The following CBY2 variants were observed in gnomAD, a reference collection of about 807,000 sequenced individuals.
CBY2 encodes the protein chibby family member 2.
Under a neutral mutation model 25.3 loss-of-function variants are expected in CBY2, and 23 were observed. The ratio of observed to expected loss-of-function variants is 0.91; its 90% CI spans 0.65 to 1.29. The LOEUF is 1.29. CBY2 is among the 50% of genes most tolerant of loss of function. CBY2 has a pLI of 0.00. For missense variants in CBY2, 642 were observed against 590.7 expected, an observed-to-expected ratio of 1.09 and a Z score of -0.90; for synonymous variants, 279 against 260.2, an observed-to-expected ratio of 1.07 and a Z score of -0.70.
Position 45,703,359 on chromosome 13 carries a change from C to G in CBY2, c.156+504C>G, listed in dbSNP as rs571031051. On this transcript the variant is annotated intron_variant, in intron 2 of 2. Transcript: ENST00000310521. ...GATGTAGGGGCCATGGGCATAGATGCTTTTTCAGTCAATGAATTGGTGAAG... is the reference window on the plus strand; with the variant it reads ...GATGTAGGGGCCATGGGCATAGATGGTTTTTCAGTCAATGAATTGGTGAAG... 7.0e-6 allele frequency: 10 copies of G among 1,434,512 alleles called. No homozygotes were observed. The South Asian group carries it at 1.4e-4, about 20-fold the overall frequency. 88.9% of individuals were successfully genotyped at this position (1,434,512 alleles called of 1,614,324 possible).
rs766334286 is a variant in CBY2 at position 45,713,177 on chromosome 13, C to A, written c.157-5C>A. On this transcript the variant is annotated splice_polypyrimidine_tract_variant and splice_region_variant and intron_variant, in intron 2 of 2. Transcript: ENST00000310521. This position sits in a 1 kb window ranked among gnomAD's most constrained non-coding sequence, Gnocchi z 5.0. ...AACGCTGGGCTTTCCCATTCTCTCC[C>A]GCAGAGGGGCACAGCCGAACCCTTC... 15 of 1,603,448 alleles carry A rather than the reference C, an allele frequency of 9.4e-6. No homozygotes were observed. In the Admixed American group the frequency reaches 1.7e-4, roughly 18 times the overall value.
Position 45,713,471 on chromosome 13 carries a change from C to T in CBY2, c.446C>T (p.Pro149Leu). The T allele has an allele frequency of 6.2e-7, 1 of 1,614,240 alleles. No homozygotes were observed. The highest frequency in any genetic ancestry group is 1.3e-5 in the African/African-American group (1 of 75,068). The change falls in exon 3 of 3, where the codon CCA (proline) becomes CTA (leucine). Residue 149 changes from proline (P) to leucine (L), a missense_variant. Transcript: ENST00000310521. The surrounding 1 kb of genome is among the most constrained non-coding windows in gnomAD (Gnocchi z 5.0). Reference protein sequence around the residue: ...NCRLQSPYFSPSASFHHKLHH... With the variant: ...NCRLQSPYFSLSASFHHKLHH... ...CGCCTGCAGTCTCCCTACTTCTCCCCATCCGCCTCCTTCCACCACAAGCTG... is the reference window on the plus strand; with the variant it reads ...CGCCTGCAGTCTCCCTACTTCTCCCTATCCGCCTCCTTCCACCACAAGCTG...
In CBY2 at chr13:45,713,887, C is replaced by T; in HGVS notation, c.862C>T (p.His288Tyr). Residue 288 changes from histidine to tyrosine, a missense_variant, in exon 3 of 3, where the codon CAC becomes TAC. By Grantham distance (83) the His-to-Tyr change is moderately conservative. Transcript: ENST00000310521. The surrounding 1 kb of genome is among the most constrained non-coding windows in gnomAD (Gnocchi z 5.0). The part of the protein sequence containing the change: ...AEESKPAPSP[H>Y]EEPCSPGLLQ... Reference sequence around the variant, plus strand: ...GGAAAGCAAGCCCGCCCCCTCACCCCACGAGGAGCCCTGCAGCCCCGGGCT... The same window carrying T: ...GGAAAGCAAGCCCGCCCCCTCACCCTACGAGGAGCCCTGCAGCCCCGGGCT... The T allele has an allele frequency of 6.5e-7, 1 of 1,532,698 alleles. No individual in the cohort carries two copies. The highest frequency in any genetic ancestry group is 8.7e-7 in the Non-Finnish European group (1 of 1,144,242). 94.9% of individuals were successfully genotyped at this position (1,532,698 alleles called of 1,614,324 possible). A position where few individuals can be genotyped will look rare whatever the true frequency, so the allele number is the denominator to read the frequency against.
In CBY2 at chr13:45,713,177, C is replaced by G; in HGVS notation, c.157-5C>G. 6.2e-7 allele frequency: 1 copy of G among 1,603,566 alleles called. No homozygotes were observed. Reference sequence around the variant, plus strand: ...AACGCTGGGCTTTCCCATTCTCTCCCGCAGAGGGGCACAGCCGAACCCTTC... The same window carrying G: ...AACGCTGGGCTTTCCCATTCTCTCCGGCAGAGGGGCACAGCCGAACCCTTC... On this transcript the variant is annotated splice_polypyrimidine_tract_variant and splice_region_variant and intron_variant, in intron 2 of 2. Coordinates refer to ENST00000310521, the MANE Select transcript of CBY2 (RefSeq NM_152719.3). This position sits in a 1 kb window ranked among gnomAD's most constrained non-coding sequence, Gnocchi z 5.0.
intron 2 of CBY2, among the ~76,000 whole-genome samples, chr13:45,709,333 G>A (rs78026200): frequency 0.048 from 7,328 of 152,226 alleles, 587 homozygotes; most frequent in African/African-American, 0.17. Flanking sequence ...TGTGGAAGGT[G>A]GATGTAGAAC....
intron 1 of CBY2, 148 bp downstream of exon 1, chr13:45,702,613 A>G: frequency 1.2e-6 from 1 of 865,182 alleles, no homozygotes; most frequent in Non-Finnish European, 1.9e-6. Flanking sequence ...CCATCATGCC[A>G]GATATCATCT....
intron 2 of CBY2, among the ~76,000 whole-genome samples, chr13:45,709,403 G>C (rs780410873): frequency 6.6e-5 from 10 of 152,202 alleles, no homozygotes; most frequent in Non-Finnish European, 1.3e-4. Context: ...CAGGTAGAAA[G>C]CATCCATGAT....
chr13:45,708,092 G>A (rs1419246746), intron 2 of CBY2, among the ~76,000 whole-genome samples: 1 of 152,190 alleles, frequency 6.6e-6, no homozygotes, highest in East Asian at 1.9e-4. Context: ...ATGTTGGTGA[G>A]GTCGTTATAG....
chr13:45,703,624 T>A (rs1461505294), intron 2 of CBY2: 1 of 1,532,032 alleles, frequency 6.5e-7, no homozygotes, highest in Non-Finnish European at 8.8e-7. Context: ...CAGGGATGTG[T>A]AGGAGGAGGA....
intron 2 of CBY2, among the ~76,000 whole-genome samples, chr13:45,706,096 A>C (rs746061615): frequency 8.5e-5 from 13 of 152,190 alleles, no homozygotes; most frequent in Non-Finnish European, 1.5e-4. Context: ...CTGTTGCTAC[A>C]AGTCCTGTAG....
In CBY2 at chr13:45,713,535, G is replaced by A. The variant is rs1171703847; in HGVS notation, c.510G>A (p.Glu170=). ...KRLAKECMLQ[E]ENKSLREENK... is the part of the protein sequence containing the mutation. The stretch of plus-strand genomic sequence containing the variant: ...TGGCCAAGGAGTGCATGCTGCAGGA[G>A]GAGAACAAGTCTCTGCGGGAGGAGA... The change falls in exon 3 of 3, where the codon GAG becomes GAA. Residue 170 remains glutamate, a synonymous_variant. Coordinates refer to ENST00000310521, the MANE Select transcript of CBY2 (RefSeq NM_152719.3). This position sits in a 1 kb window ranked among gnomAD's most constrained non-coding sequence, Gnocchi z 5.0. The A allele has an allele frequency of 6.2e-7, 1 of 1,614,020 alleles. No individual in the cohort carries two copies. Among genetic ancestry groups the A allele is most frequent in the East Asian group, 2.2e-5 (1 of 44,880 alleles).
intron 1 of CBY2, 81 bp downstream of exon 1, chr13:45,702,546 A>G: frequency 8.0e-7 from 1 of 1,248,862 alleles, no homozygotes; most frequent in Non-Finnish European, 1.2e-6. Flanking sequence ...AAAACTTTCA[A>G]AAGCCTTTTA....
rs75283278 is a variant in CBY2 at position 45,711,811 on chromosome 13, A to G, written c.157-1371A>G. Among the ~76,000 whole-genome samples the G allele has an allele frequency of 8.4e-3, 1,286 of 152,308 alleles. 17 individuals are homozygous for G. The highest frequency in any genetic ancestry group is 0.028 in the African/African-American group (1,182 of 41,564). ...GTTTTATGCTGTGGTCTTGAGGTCTATGGCCACCATCATGAATTCCTCAGG... is the reference window on the plus strand; with the variant it reads ...GTTTTATGCTGTGGTCTTGAGGTCTGTGGCCACCATCATGAATTCCTCAGG... On this transcript the variant is annotated intron_variant, in intron 2 of 2. Transcript: ENST00000310521.
chr13:45,711,116 TTTAC>T (rs998749218), intron 2 of CBY2, among the ~76,000 whole-genome samples: 1 of 152,236 alleles, frequency 6.6e-6, no homozygotes, highest in African/African-American at 2.4e-5. Context: ...TCATGATCTG[TTTAC>T]TTAAATTCAT....
chr13:45,708,595 C>G (rs1950252438), intron 2 of CBY2, among the ~76,000 whole-genome samples: 1 of 152,144 alleles, frequency 6.6e-6, no homozygotes, highest in Admixed American at 6.5e-5. Flanking sequence ...GGATTAAATC[C>G]AGCTAGCTCT....
Position 45,702,466 on chromosome 13 carries a change from G to A in CBY2, c.75+1G>A. 1.2e-6 allele frequency: 2 copies of A among 1,612,604 alleles called. No individual in the cohort carries two copies. Among genetic ancestry groups the A allele is most frequent in the Non-Finnish European group, 1.7e-6 (2 of 1,178,576 alleles). On this transcript the variant is annotated splice_donor_variant, in intron 1 of 2. Transcript: ENST00000310521. LOFTEE classifies it high-confidence loss of function. ...GACCTATACCTGGCAACTCACATTG[G>A]TATGGCTTTTTACTTGAGATAGAAA...
intron 2 of CBY2, among the ~76,000 whole-genome samples, chr13:45,705,200 A>C (rs2137501559): frequency 6.6e-6 from 1 of 152,302 alleles, no homozygotes; most frequent in Non-Finnish European, 1.5e-5. Context: ...CCTCCAGCAC[A>C]TTAACTTGCA....
rs1566072728 is a variant in CBY2 at position 45,714,282 on chromosome 13, G to A, written c.1257G>A (p.Glu419=). The change falls in exon 3 of 3, where the codon GAG becomes GAA. Residue 419 remains glutamate (E), a synonymous_variant. Transcript: ENST00000310521. The part of the protein sequence containing the change: ...QQKLVIDTVT[E]VTARMEMLIE... Reference sequence around the variant, plus strand: ...AGCTGGTCATTGACACCGTGACCGAGGTCACCGCGCGCATGGAAATGCTCA... The same window carrying A: ...AGCTGGTCATTGACACCGTGACCGAAGTCACCGCGCGCATGGAAATGCTCA... 4 of 1,613,238 alleles carry A rather than the reference G, an allele frequency of 2.5e-6. No individual in the cohort carries two copies. The highest frequency in any genetic ancestry group is 3.4e-6 in the Non-Finnish European group (4 of 1,179,902).
intron 2 of CBY2, 35 bp downstream of exon 2, chr13:45,702,890 T>C (rs1386570086): frequency 1.3e-6 from 2 of 1,529,522 alleles, no homozygotes; most frequent in East Asian, 4.5e-5. Flanking sequence ...AACCTATCAG[T>C]GTTAGCCAGA....
Sources: gnomAD v4.1 joint callset for allele counts (sites outside exome capture counted in the v4.1 genomes callset) on GRCh38, gnomAD v4.1.1 for gene constraint, Gnocchi (gnomAD v3.1) non-coding constraint, MANE v1.5 for transcripts, NCBI Gene and HGNC (gene_info 2026-07-23, HGNC 2026-07-21) for gene names.